LAPTM4B: variants seen among roughly 807,000 people sequenced by gnomAD.
LAPTM4B encodes lysosomal protein transmembrane 4 beta.
LAPTM4B carries 26 observed loss-of-function variants against 28.5 expected under a neutral mutation model. The observed-to-expected ratio is 0.91, with a 90% confidence interval of 0.67 to 1.27. The LOEUF is 1.27. Among genes scored for constraint, LAPTM4B ranks in the 50% most tolerant of loss-of-function variants. The probability of loss-of-function intolerance (pLI) is 0.00; values close to 1 mark genes in which losing one functional copy is unlikely to be tolerated. For synonymous variants in LAPTM4B, 109 were observed against 106.4 expected (o/e 1.02, Z -0.15); for missense variants, 288 against 285.8 (o/e 1.01, Z -0.06).
chr8:97,778,198 A>G (rs1226696766), intron 1 of LAPTM4B, among the ~76,000 whole-genome samples: 1 of 152,224 alleles, frequency 6.6e-6, no homozygotes, highest in Admixed American at 6.5e-5. Flanking sequence ...AGATGTGAAT[A>G]AAAATGTTGC....
chr8:97,813,044 G>T (rs1316796242), intron 2 of LAPTM4B, among the ~76,000 whole-genome samples: 1 of 152,210 alleles, frequency 6.6e-6, no homozygotes, highest in African/African-American at 2.4e-5. Flanking sequence ...ATTAGTCAGG[G>T]TTCCCTAGAG....
intron 1 of LAPTM4B, among the ~76,000 whole-genome samples, chr8:97,803,393 C>T (rs1216336370): frequency 6.6e-6 from 1 of 151,786 alleles, no homozygotes; most frequent in Admixed American, 6.6e-5. Flanking sequence ...ATTCTCCTGC[C>T]TCAGCCTCCT....
At chr8:97,818,242 C>A (rs1356435191) in intron 4 of LAPTM4B, among the ~76,000 whole-genome samples, 2 of 152,214 alleles carry the variant, frequency 1.3e-5, no homozygotes, top group South Asian at 4.1e-4. Context: ...CCCTGGTGAG[C>A]AGGAGCCAAG....
At chr8:97,797,198 G>A (rs1249343858) in intron 1 of LAPTM4B, among the ~76,000 whole-genome samples, 6 of 150,884 alleles carry the variant, frequency 4.0e-5, no homozygotes, top group East Asian at 3.9e-4. Context: ...GCAACGGTGC[G>A]ACCTCGGCTC....
At position 97,789,160 on chromosome 8, in the gene LAPTM4B, G is replaced by A. The variant is rs957011310; in HGVS notation, c.99+13052G>A. On this transcript the variant is annotated intron_variant, in intron 1 of 6. Transcript: ENST00000521545. ...GTGATCTCGACTTACTGCAACCTCCGCCTCCCAGGTTCAAGCGATTGTCCT... is the reference window on the plus strand; with the variant it reads ...GTGATCTCGACTTACTGCAACCTCCACCTCCCAGGTTCAAGCGATTGTCCT... Among the ~76,000 whole-genome samples the A allele has an allele frequency of 7.4e-5, 11 of 149,268 alleles. No homozygotes were observed. The East Asian group carries it at 2.2e-3, about 30-fold the overall frequency.
chr8:97,843,729 A>G lies in LAPTM4B; in HGVS notation c.604-7668A>G, dbSNP rs566249044. 2.0e-5 allele frequency among the ~76,000 whole-genome samples: 3 copies of G among 152,242 alleles called. No homozygotes were observed. The East Asian group carries it at 5.8e-4, about 29-fold the overall frequency. The stretch of plus-strand genomic sequence containing the variant: ...CAGGAGACAGAGGTTGCATGAGCCA[A>G]GATTGCAGCATTGCACTCCAGCCTG... On this transcript the variant is annotated intron_variant, in intron 6 of 6. Transcript: ENST00000521545.
intron 1 of LAPTM4B, among the ~76,000 whole-genome samples, chr8:97,784,585 G>A (rs1046278833): frequency 2.6e-5 from 4 of 152,010 alleles, no homozygotes; most frequent in South Asian, 2.1e-4. Context: ...GACTACAGGC[G>A]CCCACCACCA....
At chr8:97,826,937 G>T (rs113572432) in intron 6 of LAPTM4B, among the ~76,000 whole-genome samples, 14 of 152,324 alleles carry the variant, frequency 9.2e-5, no homozygotes, top group African/African-American at 2.6e-4. Context: ...TGTAAGCAAG[G>T]TTTGAGATTT....
chr8:97,830,030 G>A (rs569171798), intron 6 of LAPTM4B, among the ~76,000 whole-genome samples: 13 of 152,238 alleles, frequency 8.5e-5, no homozygotes, highest in African/African-American at 2.2e-4. Context: ...GAAGATGTTC[G>A]GGAGGGTAAA....
chr8:97,843,585 G>C (rs1817383677), intron 6 of LAPTM4B, among the ~76,000 whole-genome samples: 1 of 152,068 alleles, frequency 6.6e-6, no homozygotes, highest in East Asian at 1.9e-4. Flanking sequence ...TGAGAGACCA[G>C]CCTGGCCAAC....
intron 6 of LAPTM4B, among the ~76,000 whole-genome samples, chr8:97,831,260 A>G (rs190772293): frequency 2.6e-5 from 4 of 152,332 alleles, no homozygotes; most frequent in Middle Eastern, 6.8e-3. Context: ...GAATTATGTC[A>G]GTTAGGCAAG....
At chr8:97,830,799 C>A (rs116795530) in intron 6 of LAPTM4B, among the ~76,000 whole-genome samples, 1 of 151,916 alleles carries the variant, frequency 6.6e-6, no homozygotes, top group Non-Finnish European at 1.5e-5. Flanking sequence ...AAGAACTGAC[C>A]GTCGGGCTAG....
intron 1 of LAPTM4B, among the ~76,000 whole-genome samples, chr8:97,789,040 TTATTTATTTA>T (rs1221220047): frequency 2.5e-3 from 20 of 7,944 alleles, no homozygotes; most frequent in Admixed American, 3.7e-3. Context: ...TGCTCACTCT[TTATTTATTTA>T]TTTATTTATT....
intron 5 of LAPTM4B, 111 bp downstream of exon 5, chr8:97,819,349 G>T: frequency 3.1e-6 from 2 of 635,178 alleles, no homozygotes; most frequent in Non-Finnish European, 2.7e-6. Flanking sequence ...CATCCAAATT[G>T]CTTTTTGATT....
rs186869713 is a variant in LAPTM4B, at chr8:97,822,831, T to C, written c.508-2227T>C. ...CCCTTAAGCATTTAGTCATACTCTT[T>C]TAGTTATTTTTTTTATTTATTTTTT... On this transcript the variant is annotated intron_variant, in intron 5 of 6. Coordinates refer to ENST00000521545, the MANE Select transcript of LAPTM4B (RefSeq NM_018407.6). Among the ~76,000 whole-genome samples, 741 of 129,332 alleles carry C rather than the reference T, an allele frequency of 5.7e-3. 4 individuals carry two copies. Among genetic ancestry groups the C allele is most frequent in the African/African-American group, 0.019 (674 of 36,014 alleles). 84.8% of individuals were successfully genotyped at this position (129,332 alleles called of 152,430 possible). A position where few individuals can be genotyped will look rare whatever the true frequency, so the allele number is the denominator to read the frequency against.
chr8:97,787,655 A>T (rs537192511), intron 1 of LAPTM4B, among the ~76,000 whole-genome samples: 1 of 152,330 alleles, frequency 6.6e-6, no homozygotes, highest in South Asian at 2.1e-4. Flanking sequence ...TCTTTTAAAG[A>T]ATACAAGTCC....
intron 1 of LAPTM4B, among the ~76,000 whole-genome samples, chr8:97,799,079 A>C (rs997984973): frequency 7.9e-5 from 12 of 152,228 alleles, no homozygotes; most frequent in South Asian, 2.1e-4. Context: ...TTCTGCCTCC[A>C]TGTGGAAAGG....
intron 1 of LAPTM4B, among the ~76,000 whole-genome samples, chr8:97,801,658 A>G (rs117919603): frequency 0.03 from 4,550 of 152,190 alleles, 129 homozygotes; most frequent in Admixed American, 0.075. Context: ...CCTGGCTAAT[A>G]TGGTGAAACG....
At position 97,817,759 on chromosome 8, in the gene LAPTM4B, AT is replaced by A. The variant is rs71271159; in HGVS notation, c.409-1371del. On this transcript the variant is annotated intron_variant, in intron 4 of 6. Transcript: ENST00000521545. ...ACTACCATGCCTGGCTAATTTTTGT[AT>A]TTTTTTTTTAGTAGAGGTGGGGTTT... Among the ~76,000 whole-genome samples, 1,072 of 148,738 alleles carry A rather than the reference AT, an allele frequency of 7.2e-3. 11 individuals carry two copies. Among genetic ancestry groups the A allele is most frequent in the African/African-American group, 0.025 (1,010 of 40,378 alleles).
Sources: allele counts gnomAD v4.1 joint callset (sites outside exome capture counted in the v4.1 genomes callset), GRCh38; gene constraint gnomAD v4.1.1; transcripts MANE v1.5; gene names NCBI Gene and HGNC (gene_info 2026-07-23, HGNC 2026-07-21).